Variants in NAGK observed in about 807,000 individuals in gnomAD.
NAGK encodes the protein N-acetylglucosamine kinase, also known as N-acetyl-D-glucosamine kinase.
A neutral mutation model predicts 42.9 loss-of-function variants in NAGK; 35 were observed. The ratio of observed to expected loss-of-function variants is 0.82; its 90% CI spans 0.62 to 1.08. The LOEUF is 1.08. NAGK is among the 50% of genes least tolerant of loss of function. The probability of loss-of-function intolerance (pLI) is 0.00; values close to 1 mark genes in which losing one functional copy is unlikely to be tolerated. For synonymous variants in NAGK, 172 were observed against 176.0 expected, an observed-to-expected ratio of 0.98 and a Z score of 0.18; for missense variants, 446 against 446.0, an observed-to-expected ratio of 1.00 and a Z score of 0.00.
chr2:71,068,527 C>G (rs1671866855), upstream of NAGK: 1 of 1,458,872 alleles, frequency 6.9e-7, no homozygotes, highest in Non-Finnish European at 9.0e-7. Flanking sequence ...CCGGCTCCTA[C>G]CGGCGCCCCG....
At chr2:71,068,391 C>A, upstream of NAGK, 2 of 1,108,532 alleles carry the variant, frequency 1.8e-6, no homozygotes, top group Non-Finnish European at 2.4e-6. Flanking sequence ...TTTGATTCCT[C>A]CTCTTGGGAT....
In NAGK at chr2:71,078,440, A is replaced by G. The variant is rs933229388; in HGVS notation, c.967A>G (p.Ile323Val). The part of the protein sequence containing the change: ...LGGASLGARH[I>V]GHLLPMDYSA... ...TGGGGCCAGCCTAGGGGCCAGGCAC[A>G]TCGGGCACCTCCTCCCCATGGACTA... The change falls in exon 10 of 10, where the codon ATC becomes GTC. Residue 323 changes from isoleucine (I) to valine (V), a missense_variant. Transcript: ENST00000244204. 6.2e-7 allele frequency: 1 copy of G among 1,613,200 alleles called. No homozygotes were observed. The highest frequency in any genetic ancestry group is 1.3e-5 in the African/African-American group (1 of 74,888).
chr2:71,078,567 G>A lies in NAGK; in HGVS notation c.*59G>A, dbSNP rs999293400. ...AGTGGACACTGGGTCTGAAAGGAAG[G>A]AGTCTTTTGCTTCCTTTCTCCTTTT... On this transcript the variant is annotated 3_prime_UTR_variant, in exon 10 of 10. Coordinates refer to ENST00000244204, the MANE Select transcript of NAGK (RefSeq NM_017567.6). 31 of 1,434,942 alleles carry A rather than the reference G, an allele frequency of 2.2e-5. No individual in the cohort carries two copies. Among genetic ancestry groups the A allele is most frequent in the Admixed American group, 2.9e-5 (1 of 34,718 alleles). 88.9% of individuals were successfully genotyped at this position (1,434,942 alleles called of 1,614,324 possible). A position where few individuals can be genotyped will look rare whatever the true frequency, so the allele number is the denominator to read the frequency against.
At chr2:71,071,518 C>A in intron 3 of NAGK, 168 bp from the exon 4 acceptor site, 2 of 941,784 alleles carry the variant, frequency 2.1e-6, no homozygotes, top group Non-Finnish European at 3.0e-6. Context: ...TTCTTATAAC[C>A]ACAGCCTTCT....
At chr2:71,076,536 A>C in intron 7 of NAGK, 68 bp from the exon 8 acceptor site, 1 of 1,284,376 alleles carries the variant, frequency 7.8e-7, no homozygotes, top group Non-Finnish European at 1.1e-6. Context: ...CAACAGAGAG[A>C]GGATAGCCCA....
In NAGK at chr2:71,070,852, C is replaced by T. The variant is rs2287327; in HGVS notation, c.213+13C>T. 561,852 of 1,613,132 alleles carry T rather than the reference C, an allele frequency of 0.35. 100,985 individuals are homozygous for T. Among genetic ancestry groups the T allele is most frequent in the African/African-American group, 0.54 (40,271 of 74,880 alleles). On this transcript the variant is annotated intron_variant, in intron 3 of 9. Coordinates refer to ENST00000244204, the MANE Select transcript of NAGK (RefSeq NM_017567.6). ...GCTGCGAAGCTTGGTGAGTCTGGGG[C>T]GGAGCCTGGGAATTCAGCCATCTGT...
intron 9 of NAGK, 129 bp downstream of exon 9, chr2:71,077,765 C>T (rs1316883789): frequency 3.1e-6 from 3 of 966,054 alleles, no homozygotes; most frequent in Non-Finnish European, 3.1e-6. Context: ...GCCACTGATG[C>T]TCCCGTCTAA....
chr2:71,072,154 T>C, intron 4 of NAGK: 1 of 320,758 alleles, frequency 3.1e-6, no homozygotes, highest in Non-Finnish European at 5.9e-6. Flanking sequence ...TGTGATAGTG[T>C]AAAGAGTTTT....
rs867480472 is a variant in NAGK, at chr2:71,077,387, A to T, written c.766-171A>T. 9 of 629,704 alleles carry T rather than the reference A, an allele frequency of 1.4e-5. No homozygotes were observed. In the Middle Eastern group the frequency reaches 2.1e-3, roughly 144 times the overall value. The allele number at this position is 629,704 out of a possible 1,614,324, so 39.0% of individuals were successfully genotyped here. Reference sequence around the variant, plus strand: ...TTCCTCTTCTCTCCTTGCCCTTTACAAATGTCTCCTATTTTCCTCCCTTTT... The same window carrying T: ...TTCCTCTTCTCTCCTTGCCCTTTACTAATGTCTCCTATTTTCCTCCCTTTT... On this transcript the variant is annotated intron_variant, in intron 8 of 9. Transcript: ENST00000244204.
At chr2:71,075,727 T>G (rs1010508748) in intron 7 of NAGK, 85 bp downstream of exon 7, 5 of 1,329,128 alleles carry the variant, frequency 3.8e-6, no homozygotes, top group Admixed American at 3.6e-5. Context: ...CAGACAGGAC[T>G]GACAACAATT....
intron 6 of NAGK, 124 bp from the exon 7 acceptor site, chr2:71,075,431 T>C (rs1672170475): frequency 2.9e-6 from 2 of 680,534 alleles, no homozygotes; most frequent in Admixed American, 2.6e-5. Context: ...CCCTGTACTT[T>C]GGAGTTAAAA....
intron 7 of NAGK, chr2:71,076,150 C>A (rs553004633): frequency 9.5e-5 from 17 of 179,682 alleles, no homozygotes; most frequent in Non-Finnish European, 1.3e-4. Context: ...TGGACTGAGT[C>A]CCCTCTAGAA....
At position 71,073,559 on chromosome 2, in the gene NAGK, G is replaced by T. The variant is rs754915910; in HGVS notation, c.544G>T (p.Gly182Cys). ...CCTAGAGGCGGCTCCTCATGATATC[G>T]GCTACGTCAAACAGGCCATGTTCCA... Reference protein sequence around the residue: ...DNLEAAPHDIGYVKQAMFHYF... With the variant: ...DNLEAAPHDICYVKQAMFHYF... The change falls in exon 6 of 10, where the codon GGC becomes TGC. Residue 182 changes from glycine to cysteine, a missense_variant. Physicochemically the swap from Gly to Cys is radical, Grantham distance 159. Transcript: ENST00000244204. 7 of 1,613,928 alleles carry T rather than the reference G, an allele frequency of 4.3e-6. No homozygotes were observed. The highest frequency in any genetic ancestry group is 2.2e-5 in the South Asian group (2 of 91,084).
At position 71,072,745 on chromosome 2, in the gene NAGK, G is replaced by A. The variant is rs564669580; in HGVS notation, c.460G>A (p.Gly154Ser). 1.9e-6 allele frequency: 3 copies of A among 1,613,502 alleles called. No homozygotes were observed. Among genetic ancestry groups the A allele is most frequent in the South Asian group, 2.2e-5 (2 of 90,980 alleles). Residue 154 changes from glycine (G) to serine (S), a missense_variant, in exon 5 of 10, where the codon GGT (glycine) becomes AGT (serine). Gly to Ser is a moderately conservative substitution (Grantham distance 56, BLOSUM62 0). Transcript: ENST00000244204. ...GGWGHMMGDE[G>S]SAYWIAHQAV... ...CTGGGGCCATATGATGGGTGATGAG[G>A]GTTCAGGTGAGCTCACTGACTGGCC...
chr2:71,075,145 CT>C (rs2103712274), intron 6 of NAGK: 1 of 161,176 alleles, frequency 6.2e-6, no homozygotes, highest in East Asian at 1.8e-4. Context: ...CCTTGGATTC[CT>C]TTGACCAAAG....
In NAGK at chr2:71,072,625, T is replaced by G. The variant is rs1436590710; in HGVS notation, c.356-16T>G. ...CAGGCCTCGGCCACACTGAGCCTCC[T>G]ATTCCCTTTCCCCAGGTGGAGTTGT... is the stretch of plus-strand genomic sequence containing the variant. On this transcript the variant is annotated splice_polypyrimidine_tract_variant and intron_variant, in intron 4 of 9. Transcript: ENST00000244204. 1.9e-6 allele frequency: 3 copies of G among 1,607,736 alleles called. No individual in the cohort carries two copies. Among genetic ancestry groups the G allele is most frequent in the Non-Finnish European group, 1.7e-6 (2 of 1,174,352 alleles).
Position 71,072,627 on chromosome 2 carries a change from T to G in NAGK, c.356-14T>G. ...GGCCTCGGCCACACTGAGCCTCCTA[T>G]TCCCTTTCCCCAGGTGGAGTTGTGC... On this transcript the variant is annotated splice_polypyrimidine_tract_variant and intron_variant, in intron 4 of 9. Transcript: ENST00000244204. 2 of 1,608,286 alleles carry G rather than the reference T, an allele frequency of 1.2e-6. No individual in the cohort carries two copies. The highest frequency in any genetic ancestry group is 1.1e-5 in the South Asian group (1 of 90,908).
upstream of NAGK, chr2:71,068,349 T>C (rs921081359): frequency 1.7e-5 from 12 of 726,148 alleles, no homozygotes; most frequent in Non-Finnish European, 2.5e-5. Context: ...CAGTGATGTG[T>C]CCTAAGGGTC....
rs1671987953 is a variant in NAGK at position 71,071,134 on chromosome 2, A to C, written c.213+295A>C. ...AGGTTACTCACCTTCTCTAAGCCTC[A>C]GTTTCCTCATTTGGAAAATGTGAAT... On this transcript the variant is annotated intron_variant, in intron 3 of 9. Transcript: ENST00000244204. 17 of 417,082 alleles carry C rather than the reference A, an allele frequency of 4.1e-5. 1 individual carries two copies. The South Asian group carries it at 4.2e-4, about 10-fold the overall frequency. 25.8% of individuals were successfully genotyped at this position (417,082 alleles called of 1,614,324 possible).
Sources: gnomAD v4.1 joint callset for allele counts on GRCh38, gnomAD v4.1.1 for gene constraint, MANE v1.5 for transcripts, NCBI Gene and HGNC (gene_info 2026-07-23, HGNC 2026-07-21) for gene names.